The following LEPROT variants were observed in gnomAD, a reference collection of about 807,000 sequenced individuals.
LEPROT encodes the protein leptin receptor gene-related protein.
In LEPROT, 3 loss-of-function variants were observed where a neutral mutation model predicts 15.4. The observed-to-expected ratio is 0.19, with a 90% CI of 0.09 to 0.50. LEPROT has a LOEUF of 0.50. Among genes scored for constraint, LEPROT ranks in the 20% least tolerant of loss-of-function variants. The pLI, the probability that LEPROT is intolerant of heterozygous loss-of-function variation, is 0.97. For missense variants in LEPROT, 137 were observed against 162.2 expected (o/e 0.84, Z 0.84); for synonymous variants, 59 against 57.5 (o/e 1.03, Z -0.12).
At chr1:65,431,433 C>G (rs1176697717) in intron 3 of LEPROT, among the ~76,000 whole-genome samples, 1 of 152,206 alleles carries the variant, frequency 6.6e-6, no homozygotes, top group East Asian at 1.9e-4. Flanking sequence ...AAATTTATAA[C>G]TCTACAATTT....
chr1:65,423,739 CAAGTA>C (rs1386141024), intron 1 of LEPROT, among the ~76,000 whole-genome samples: 1 of 152,140 alleles, frequency 6.6e-6, no homozygotes, highest in Non-Finnish European at 1.5e-5. Flanking sequence ...AATCTTCTCT[CAAGTA>C]AAAGGAAGCA....
chr1:65,425,257 C>A, intron 1 of LEPROT, 46 bp from the exon 2 acceptor site: 1 of 1,554,918 alleles, frequency 6.4e-7, no homozygotes, highest in Non-Finnish European at 8.9e-7. Flanking sequence ...TAGTGCCTGA[C>A]AACCTCTACT....
chr1:65,432,724 AT>A lies in LEPROT; in HGVS notation c.*814del, dbSNP rs771686222. 205 of 779,676 alleles carry A rather than the reference AT, an allele frequency of 2.6e-4. No homozygotes were observed. Among genetic ancestry groups the A allele is most frequent in the East Asian group, 3.8e-4 (3 of 7,872 alleles). The allele number at this position is 779,676 out of a possible 1,614,324, so 48.3% of individuals were successfully genotyped here. On this transcript the variant is annotated 3_prime_UTR_variant, in exon 4 of 4. Coordinates refer to ENST00000371065, the MANE Select transcript of LEPROT (RefSeq NM_017526.5). ...GCCTCAGTTAGGAGGAATAAGTGTGATTTTTTTTTAAAGATCACTTGCACAG... is the reference window on the plus strand; with the variant it reads ...GCCTCAGTTAGGAGGAATAAGTGTGATTTTTTTTAAAGATCACTTGCACAG...
At chr1:65,428,229 G>A (rs1412794056) in intron 2 of LEPROT, among the ~76,000 whole-genome samples, 4 of 152,042 alleles carry the variant, frequency 2.6e-5, no homozygotes, top group Non-Finnish European at 5.9e-5. Context: ...AAGGTTTCTT[G>A]TACATTAATA....
chr1:65,426,104 T>G (rs1646358242), intron 2 of LEPROT, among the ~76,000 whole-genome samples: 1 of 134,372 alleles, frequency 7.4e-6, no homozygotes, highest in Admixed American at 7.1e-5. Flanking sequence ...GGGAAGACAG[T>G]GGTCAGGGAG....
rs928505568 is a variant in LEPROT at position 65,432,974 on chromosome 1, A to G, written c.*1055A>G. On this transcript the variant is annotated 3_prime_UTR_variant, in exon 4 of 4. Coordinates refer to ENST00000371065, the MANE Select transcript of LEPROT (RefSeq NM_017526.5). ...AAAACAAAACATACTCTCTCCCCCA[A>G]AAAAACATCTCAGTGGGGAACAGAT... 49 of 985,306 alleles carry G rather than the reference A, an allele frequency of 5.0e-5. No homozygotes were observed. Among genetic ancestry groups the G allele is most frequent in the African/African-American group, 7.0e-5 (4 of 57,244 alleles). The allele number at this position is 985,306 out of a possible 1,614,324, so 61.0% of individuals were successfully genotyped here.
chr1:65,428,701 T>C (rs1319275311), intron 2 of LEPROT, among the ~76,000 whole-genome samples: 1 of 152,120 alleles, frequency 6.6e-6, no homozygotes, highest in African/African-American at 2.4e-5. Context: ...TGAATTATTG[T>C]AGTGTATATA....
At chr1:65,421,098 GC>G (rs1225549596) in intron 1 of LEPROT, among the ~76,000 whole-genome samples, 1 of 152,130 alleles carries the variant, frequency 6.6e-6, no homozygotes, top group Non-Finnish European at 1.5e-5. Flanking sequence ...CTGGTTTTCT[GC>G]CCCTCCGCAG....
Position 65,435,060 on chromosome 1 carries a change from A to G in LEPROT, c.*3141A>G. 1.0e-6 allele frequency: 1 copy of G among 985,448 alleles called. No individual in the cohort carries two copies. Among genetic ancestry groups the G allele is most frequent in the South Asian group, 4.7e-5 (1 of 21,286 alleles). 61.0% of individuals were successfully genotyped at this position (985,448 alleles called of 1,614,324 possible). On this transcript the variant is annotated 3_prime_UTR_variant, in exon 4 of 4. Coordinates refer to ENST00000371065, the MANE Select transcript of LEPROT (RefSeq NM_017526.5). ...GATTCTCATTCACAGAGAATGGGAGAACGGAATGAAGAAAGATTCCAGCAG... is the reference window on the plus strand; with the variant it reads ...GATTCTCATTCACAGAGAATGGGAGGACGGAATGAAGAAAGATTCCAGCAG...
In LEPROT at chr1:65,432,477, T is replaced by C. The variant is rs1281416493; in HGVS notation, c.*558T>C. 11 of 594,766 alleles carry C rather than the reference T, an allele frequency of 1.8e-5. No homozygotes were observed. Among genetic ancestry groups the C allele is most frequent in the Non-Finnish European group, 2.3e-5 (11 of 473,218 alleles). The allele number at this position is 594,766 out of a possible 1,614,324, so 36.8% of individuals were successfully genotyped here. A position where few individuals can be genotyped will look rare whatever the true frequency, so the allele number is the denominator to read the frequency against. On this transcript the variant is annotated 3_prime_UTR_variant, in exon 4 of 4. Coordinates refer to ENST00000371065, the MANE Select transcript of LEPROT (RefSeq NM_017526.5). ...GCACATGAAAGTTTGAGAAGCATCA[T>C]CATAGAGAAGTAAACATCACACCCA...
Position 65,420,750 on chromosome 1 carries a change from G to A in LEPROT, c.16+10G>A, listed in dbSNP as rs752047665. The A allele has an allele frequency of 1.3e-6, 2 of 1,579,946 alleles. No homozygotes were observed. Among genetic ancestry groups the A allele is most frequent in the Non-Finnish European group, 1.7e-6 (2 of 1,165,026 alleles). On this transcript the variant is annotated intron_variant, in intron 1 of 3. Transcript: ENST00000371065. ...ATGGCGGGCGTTAAAGGTACATCGC[G>A]GTCCCCGGCTCGCTTGTCGTGTGGT...
chr1:65,432,738 A>C lies in LEPROT; in HGVS notation c.*819A>C, dbSNP rs541510717. On this transcript the variant is annotated 3_prime_UTR_variant, in exon 4 of 4. Transcript: ENST00000371065. Reference sequence around the variant, plus strand: ...GAATAAGTGTGATTTTTTTTTAAAGATCACTTGCACAGCATGCTAAATATA... The same window carrying C: ...GAATAAGTGTGATTTTTTTTTAAAGCTCACTTGCACAGCATGCTAAATATA... 3.1e-5 allele frequency: 20 copies of C among 651,956 alleles called. No homozygotes were observed. The highest frequency in any genetic ancestry group is 3.6e-5 in the Non-Finnish European group (19 of 525,816). 40.4% of individuals were successfully genotyped at this position (651,956 alleles called of 1,614,324 possible). A position where few individuals can be genotyped will look rare whatever the true frequency, so the allele number is the denominator to read the frequency against.
chr1:65,430,228 G>A (rs977723208), intron 3 of LEPROT, 180 bp downstream of exon 3: 7 of 447,888 alleles, frequency 1.6e-5, no homozygotes, highest in African/African-American at 1.2e-4. Flanking sequence ...CCTTCAGAGT[G>A]CTTTCTTTAT....
intron 2 of LEPROT, chr1:65,427,789 A>G: frequency 4.8e-6 from 2 of 416,164 alleles, no homozygotes; most frequent in Middle Eastern, 3.9e-4. Context: ...TAGAGATGCC[A>G]CAACACCCAG....
chr1:65,423,501 G>C (rs905062780), intron 1 of LEPROT, among the ~76,000 whole-genome samples: 1 of 152,184 alleles, frequency 6.6e-6, no homozygotes, highest in Non-Finnish European at 1.5e-5. Flanking sequence ...GGGTACTGCC[G>C]ATGGTCAGGC....
intron 3 of LEPROT, among the ~76,000 whole-genome samples, chr1:65,430,532 C>G (rs781748340): frequency 1.6e-4 from 24 of 152,166 alleles, no homozygotes; most frequent in Non-Finnish European, 3.4e-4. Context: ...CAAAAACTTT[C>G]TTTTTGTCTT....
At chr1:65,423,520 G>A (rs1003373207) in intron 1 of LEPROT, among the ~76,000 whole-genome samples, 1 of 152,174 alleles carries the variant, frequency 6.6e-6, no homozygotes, top group Admixed American at 6.5e-5. Context: ...GCACAGAGGA[G>A]AGGAGCAAAG....
chr1:65,429,526 A>G (rs1646445673), intron 2 of LEPROT, among the ~76,000 whole-genome samples: 1 of 152,134 alleles, frequency 6.6e-6, no homozygotes, highest in African/African-American at 2.4e-5. Context: ...TTTGCAAGAC[A>G]CTCTACTATG....
At position 65,433,084 on chromosome 1, in the gene LEPROT, G is replaced by T; in HGVS notation, c.*1165G>T. On this transcript the variant is annotated 3_prime_UTR_variant, in exon 4 of 4. Coordinates refer to ENST00000371065, the MANE Select transcript of LEPROT (RefSeq NM_017526.5). ...AGGCTGGGCTCGAGCCAGCCCCTGC[G>T]TTAGCAGGAGGGGGAGAACAGATAG... 1.0e-6 allele frequency: 1 copy of T among 985,374 alleles called. No individual in the cohort carries two copies. The highest frequency in any genetic ancestry group is 1.2e-6 in the Non-Finnish European group (1 of 829,920). 61.0% of individuals were successfully genotyped at this position (985,374 alleles called of 1,614,324 possible). A position where few individuals can be genotyped will look rare whatever the true frequency, so the allele number is the denominator to read the frequency against.
Sources: gnomAD v4.1 joint callset for allele counts (sites outside exome capture counted in the v4.1 genomes callset) on GRCh38, gnomAD v4.1.1 for gene constraint, MANE v1.5 for transcripts, NCBI Gene and HGNC (gene_info 2026-07-23, HGNC 2026-07-21) for gene names.